DCAF8L2: variants seen among roughly 807,000 people sequenced by gnomAD.
The protein encoded by DCAF8L2 is DDB1- and CUL4-associated factor 8-like protein 2.
For synonymous variants in DCAF8L2, 200 were observed against 190.9 expected (o/e 1.05, Z -0.39); for missense variants, 430 against 490.7 (o/e 0.88, Z 1.17).
chrX:27,512,112 TA>T, the DCAF8L2 span, among the ~76,000 whole-genome samples: 1 of 107,030 alleles, frequency 9.3e-6, no homozygotes, highest in African/African-American at 3.4e-5. Flanking sequence ...ACATAAAAAA[TA>T]AAAAAAAATT....
chrX:27,527,117 C>T, the DCAF8L2 span, among the ~76,000 whole-genome samples: 1 of 112,369 alleles, frequency 8.9e-6, no homozygotes, highest in Non-Finnish European at 1.9e-5. Context: ...TGGCCTGCTC[C>T]CAGAAGTGGA....
In DCAF8L2 at chrX:27,688,309, A is replaced by G. The variant is rs1011192696; in HGVS notation, c.-143+10397A>G. 2.7e-5 allele frequency among the ~76,000 whole-genome samples: 3 copies of G among 112,078 alleles called. No individual in the cohort carries two copies. The South Asian group carries it at 1.1e-3, about 41-fold the overall frequency. On this transcript the variant is annotated intron_variant, in intron 3 of 4. Coordinates refer to ENST00000451261, the MANE Select transcript of DCAF8L2 (RefSeq NM_001353450.2). ...ATCTCTCCTCTTCATTTTTGAGACC[A>G]CAAAATATGAACACAGAAATTAAAT...
rs1482227201 is a variant in DCAF8L2, at chrX:27,748,383, C to T, written c.1488C>T (p.Phe496=). ...GTAGTGATTGCGGGCACATCTTCTTCTGGGAGAAATCATCCTGCCAAATCA... is the reference window on the plus strand; with the variant it reads ...GTAGTGATTGCGGGCACATCTTCTTTTGGGAGAAATCATCCTGCCAAATCA... The part of the protein sequence containing the change: ...VSGSDCGHIF[F]WEKSSCQIIQ... The change falls in exon 5 of 5, where the codon TTC becomes TTT. Residue 496 remains phenylalanine (F), a synonymous_variant. Coordinates refer to ENST00000451261, the MANE Select transcript of DCAF8L2 (RefSeq NM_001353450.2). 1 of 1,203,051 alleles carries T rather than the reference C, an allele frequency of 8.3e-7. No individual in the cohort carries two copies. Among genetic ancestry groups the T allele is most frequent in the Non-Finnish European group, 1.1e-6 (1 of 890,439 alleles).
intron 2 of DCAF8L2, among the ~76,000 whole-genome samples, chrX:27,641,644 G>C (rs1928728710): frequency 9.2e-6 from 1 of 108,848 alleles, no homozygotes; most frequent in East Asian, 2.9e-4. Context: ...GCTAACTTTT[G>C]TATTTTTAGT....
chrX:27,623,198 AAG>A (rs1371123406), intron 1 of DCAF8L2, among the ~76,000 whole-genome samples: 2 of 111,393 alleles, frequency 1.8e-5, no homozygotes, highest in Non-Finnish European at 3.8e-5. Context: ...TCACAGTAAG[AAG>A]AGAGAGTTTA....
intron 2 of DCAF8L2, among the ~76,000 whole-genome samples, chrX:27,673,634 A>G (rs891951746): frequency 9.2e-6 from 1 of 108,971 alleles, no homozygotes; most frequent in African/African-American, 3.3e-5. Context: ...ATATACATAT[A>G]TATGTATACA....
At chrX:27,695,756 A>G (rs1023824076) in intron 3 of DCAF8L2, among the ~76,000 whole-genome samples, 2 of 111,879 alleles carry the variant, frequency 1.8e-5, no homozygotes, top group Admixed American at 1.9e-4. Context: ...TGAATTTATA[A>G]TAGAATCTCT....
chrX:27,531,631 A>G, the DCAF8L2 span, among the ~76,000 whole-genome samples: 3 of 112,262 alleles, frequency 2.7e-5, no homozygotes, highest in East Asian at 8.4e-4. Context: ...ACTGTCTGAG[A>G]AATAGAGAAC....
chrX:27,622,178 C>T lies in DCAF8L2; in HGVS notation c.-341-9701C>T, dbSNP rs181314116. ...CACCAAGCAGTATGTATAAGAACAT[C>T]ATTTGGGAGGCCGAGACGGGCGGAT... On this transcript the variant is annotated intron_variant, in intron 1 of 4. Transcript: ENST00000451261. Among the ~76,000 whole-genome samples the T allele has an allele frequency of 5.4e-5, 6 of 110,344 alleles. No homozygotes were observed. In the East Asian group the frequency reaches 1.4e-3, roughly 26 times the overall value.
the DCAF8L2 span, among the ~76,000 whole-genome samples, chrX:27,545,801 C>T: frequency 0.096 from 10,673 of 111,420 alleles, 403 homozygotes; most frequent in Non-Finnish European, 0.12. Context: ...GCAAGCACAT[C>T]TTATATGGGA....
chrX:27,676,440 A>G (rs1930141721), intron 2 of DCAF8L2, among the ~76,000 whole-genome samples: 1 of 111,573 alleles, frequency 9.0e-6, no homozygotes, highest in Admixed American at 9.6e-5. Context: ...GAATAAATGT[A>G]TGTCTACTTA....
intron 3 of DCAF8L2, among the ~76,000 whole-genome samples, chrX:27,714,452 G>T (rs1444564687): frequency 9.0e-6 from 1 of 111,052 alleles, no homozygotes; most frequent in Non-Finnish European, 1.9e-5. Flanking sequence ...ATAAGGCAAA[G>T]AAATGTTCTT....
intron 4 of DCAF8L2, among the ~76,000 whole-genome samples, chrX:27,733,791 T>A (rs753272722): frequency 2.0e-3 from 226 of 111,815 alleles, no homozygotes; most frequent in African/African-American, 7.1e-3. Context: ...AAAATATCCT[T>A]TCCCCATTGT....
chrX:27,519,897 T>A, the DCAF8L2 span: 1 of 257,706 alleles, frequency 3.9e-6, no homozygotes, highest in Admixed American at 6.3e-5. Context: ...ATTATATACT[T>A]TTTTTGAAAT....
At chrX:27,732,961 G>A (rs5926887) in intron 4 of DCAF8L2, among the ~76,000 whole-genome samples, 24,693 of 110,065 alleles carry the variant, frequency 0.22, 2,308 homozygotes, top group Middle Eastern at 0.34. Context: ...GGGTTCAAGC[G>A]ATTCTCCTGC....
chrX:27,492,420 A>T, the DCAF8L2 span, among the ~76,000 whole-genome samples: 4 of 111,031 alleles, frequency 3.6e-5, no homozygotes, highest in East Asian at 8.4e-4. Flanking sequence ...CTTCTGTAGA[A>T]ACCTAATTTT....
At chrX:27,742,312 T>C (rs1192641047) in intron 4 of DCAF8L2, among the ~76,000 whole-genome samples, 1 of 111,591 alleles carries the variant, frequency 9.0e-6, no homozygotes, top group Non-Finnish European at 1.9e-5. Context: ...CTCACACCTA[T>C]AATCCCAGCA....
At chrX:27,579,159 A>G in the DCAF8L2 span, among the ~76,000 whole-genome samples, 12 of 111,970 alleles carry the variant, frequency 1.1e-4, no homozygotes, top group African/African-American at 3.6e-4. Flanking sequence ...AATCAACCCA[A>G]ATGCTCATCA....
chrX:27,748,053 A>T lies in DCAF8L2; in HGVS notation c.1158A>T (p.Gly386=). The change falls in exon 5 of 5, where the codon GGA becomes GGT. Residue 386 remains glycine (G), a synonymous_variant. Coordinates refer to ENST00000451261, the MANE Select transcript of DCAF8L2 (RefSeq NM_001353450.2). ...PANTYQFAVG[G]QDQFVRIYDQ... is the part of the protein sequence containing the mutation. ...ATACCTACCAATTTGCAGTGGGTGG[A>T]CAAGATCAGTTTGTAAGGATTTATG... is the stretch of plus-strand genomic sequence containing the variant. 1 of 1,212,233 alleles carries T rather than the reference A, an allele frequency of 8.2e-7. No individual in the cohort carries two copies. Among genetic ancestry groups the T allele is most frequent in the Non-Finnish European group, 1.1e-6 (1 of 895,605 alleles).
Sources: gnomAD v4.1 joint callset for allele counts (sites outside exome capture counted in the v4.1 genomes callset) on GRCh38, gnomAD v4.1.1 for gene constraint, MANE v1.5 for transcripts, NCBI Gene and HGNC (gene_info 2026-07-23, HGNC 2026-07-21) for gene names.